GPM6A: variants seen among roughly 807,000 people sequenced by gnomAD.
GPM6A encodes neuronal membrane glycoprotein M6-a.
GPM6A carries 7 observed loss-of-function variants against 32.1 expected under a neutral mutation model. The ratio of observed to expected loss-of-function variants is 0.22; its 90% CI spans 0.12 to 0.41. The LOEUF is 0.41. Ranked by LOEUF, GPM6A falls within the 10% of genes least tolerant of loss-of-function variation. GPM6A has a pLI of 1.00. For missense variants in GPM6A, 235 were observed against 347.2 expected (o/e 0.68, Z 2.57); for synonymous variants, 130 against 123.4 (o/e 1.05, Z -0.35).
chr4:175,733,060 A>G (rs1246022701), intron 1 of GPM6A, among the ~76,000 whole-genome samples: 4 of 152,168 alleles, frequency 2.6e-5, no homozygotes, highest in Non-Finnish European at 4.4e-5. Flanking sequence ...TGGACATGTT[A>G]CTTTCCTCAT....
At chr4:175,962,632 C>A (rs1740203760) in intron 1 of GPM6A, 2 of 242,338 alleles carry the variant, frequency 8.3e-6, no homozygotes, top group Non-Finnish European at 1.6e-5. Context: ...ACACGGACAC[C>A]TGAGGATATT....
At chr4:175,644,121 G>GTTTTTTTTTTTTTT (rs781755092) in intron 4 of GPM6A, among the ~76,000 whole-genome samples, 2 of 110,380 alleles carry the variant, frequency 1.8e-5, no homozygotes, top group African/African-American at 3.4e-5. Context: ...TTTTCCGTTT[G>GTTTTTTTTTTTTTT]TTTTTTTTTT....
chr4:175,980,218 G>A (rs537461616), intron 1 of GPM6A, among the ~76,000 whole-genome samples: 16 of 152,232 alleles, frequency 1.1e-4, no homozygotes, highest in African/African-American at 3.4e-4. Flanking sequence ...ATAGCTGGGC[G>A]TGGTGGCATG....
At chr4:175,870,163 T>G (rs1261100388) in intron 1 of GPM6A, among the ~76,000 whole-genome samples, 1 of 152,238 alleles carries the variant, frequency 6.6e-6, no homozygotes, top group East Asian at 1.9e-4. Context: ...GTTTTGTCAT[T>G]GACCTTAATT....
intron 1 of GPM6A, among the ~76,000 whole-genome samples, chr4:175,948,034 T>C (rs768355798): frequency 7.9e-5 from 12 of 152,150 alleles, no homozygotes; most frequent in Non-Finnish European, 1.5e-4. Context: ...GCAATAGCAA[T>C]AGCAATAGCA....
chr4:175,796,316 GATCA>G (rs1377350251), intron 1 of GPM6A, among the ~76,000 whole-genome samples: 7 of 152,098 alleles, frequency 4.6e-5, no homozygotes, highest in Non-Finnish European at 1.0e-4. Context: ...GATATAACAT[GATCA>G]ATGAAGATAA....
intron 1 of GPM6A, among the ~76,000 whole-genome samples, chr4:175,871,302 G>A (rs894875138): frequency 7.9e-5 from 12 of 151,604 alleles, no homozygotes; most frequent in East Asian, 3.9e-4. Context: ...AAACCCCATC[G>A]CTACTAAAAA....
At chr4:175,672,319 T>A (rs1743127209) in intron 3 of GPM6A, among the ~76,000 whole-genome samples, 1 of 152,196 alleles carries the variant, frequency 6.6e-6, no homozygotes, top group Non-Finnish European at 1.5e-5. Flanking sequence ...GAAATGATCC[T>A]CATTTTGTAA....
At chr4:175,897,655 A>G (rs894063259) in intron 1 of GPM6A, among the ~76,000 whole-genome samples, 2 of 152,198 alleles carry the variant, frequency 1.3e-5, no homozygotes, top group Non-Finnish European at 2.9e-5. Flanking sequence ...AATATAAGAT[A>G]TTTAAGATTA....
intron 1 of GPM6A, among the ~76,000 whole-genome samples, chr4:175,744,236 A>G (rs1732005945): frequency 6.6e-6 from 1 of 152,106 alleles, no homozygotes; most frequent in Non-Finnish European, 1.5e-5. Context: ...TGTTCAATTT[A>G]AGCAATGTAT....
chr4:175,697,701 T>C (rs1201001499), intron 2 of GPM6A, among the ~76,000 whole-genome samples: 2 of 152,116 alleles, frequency 1.3e-5, no homozygotes, highest in African/African-American at 4.8e-5. Context: ...GTTATATAAA[T>C]GAGTAACAAA....
At chr4:175,921,529 GA>G (rs1738668953) in intron 1 of GPM6A, among the ~76,000 whole-genome samples, 1 of 150,862 alleles carries the variant, frequency 6.6e-6, no homozygotes, top group Non-Finnish European at 1.5e-5. Flanking sequence ...GAAAAAAAAT[GA>G]AATATAAATA....
At chr4:175,694,569 ATTCAAGATG>A (rs1744472267) in intron 2 of GPM6A, among the ~76,000 whole-genome samples, 1 of 152,212 alleles carries the variant, frequency 6.6e-6, no homozygotes, top group South Asian at 2.1e-4. Context: ...GCATCAAAGC[ATTCAAGATG>A]TGACCTGGCT....
intron 2 of GPM6A, among the ~76,000 whole-genome samples, chr4:175,687,276 C>A (rs1224963080): frequency 6.6e-6 from 1 of 152,274 alleles, no homozygotes; most frequent in East Asian, 1.9e-4. Context: ...ATCATTCAAA[C>A]GTTTTCATCT....
chr4:175,914,810 A>C (rs1738439158), intron 1 of GPM6A, among the ~76,000 whole-genome samples: 1 of 152,134 alleles, frequency 6.6e-6, no homozygotes, highest in Non-Finnish European at 1.5e-5. Context: ...AAGGAAAGGT[A>C]GTTTTTTGTA....
chr4:175,677,308 T>C (rs1579373709), intron 2 of GPM6A, among the ~76,000 whole-genome samples: 2 of 152,276 alleles, frequency 1.3e-5, no homozygotes, highest in East Asian at 1.9e-4. Flanking sequence ...TTCGGTACCA[T>C]TTTGGGGAAG....
At chr4:175,854,475 C>T (rs913821287) in intron 1 of GPM6A, among the ~76,000 whole-genome samples, 5 of 152,070 alleles carry the variant, frequency 3.3e-5, no homozygotes, top group Admixed American at 2.0e-4. Context: ...ACTGGATTTA[C>T]CTTTATACCT....
At chr4:175,687,691 G>A (rs947921167) in intron 2 of GPM6A, among the ~76,000 whole-genome samples, 12 of 151,930 alleles carry the variant, frequency 7.9e-5, no homozygotes, top group South Asian at 4.2e-4. Flanking sequence ...ATTAATACCC[G>A]GAAATGGGAT....
At chr4:175,666,651 A>G (rs1361547407) in intron 3 of GPM6A, among the ~76,000 whole-genome samples, 1 of 152,190 alleles carries the variant, frequency 6.6e-6, no homozygotes, top group African/African-American at 2.4e-5. Flanking sequence ...TTTTAATAAT[A>G]ACTATTACAT....
Sources: allele counts gnomAD v4.1 joint callset (sites outside exome capture counted in the v4.1 genomes callset), GRCh38; gene constraint gnomAD v4.1.1; transcripts MANE v1.5; gene names NCBI Gene and HGNC (gene_info 2026-07-23, HGNC 2026-07-21).